ZNF71: variants seen among roughly 807,000 people sequenced by gnomAD.
ZNF71 encodes endothelial zinc finger protein induced by tumor necrosis factor alpha.
In ZNF71, 3 loss-of-function variants were observed where a neutral mutation model predicts 6.7. The observed-to-expected ratio is 0.45, with a 90% CI of 0.20 to 1.16. The LOEUF (loss-of-function observed/expected upper bound fraction) is 1.16. ZNF71 is among the 50% of genes most tolerant of loss of function. The pLI is 0.25. For synonymous variants in ZNF71, 343 were observed against 311.1 expected, an observed-to-expected ratio of 1.10 and a Z score of -1.08; for missense variants, 688 against 728.6, an observed-to-expected ratio of 0.94 and a Z score of 0.64.
intron 3 of ZNF71, among the ~76,000 whole-genome samples, chr19:56,617,107 C>CTTTTTTTTTTTT (rs200131241): frequency 5.1e-5 from 6 of 117,150 alleles, no homozygotes; most frequent in African/African-American, 1.6e-4. Context: ...CTTCCATTTT[C>CTTTTTTTTTTTT]TTTTGTTTTT....
Position 56,622,015 on chromosome 19 carries a change from CG to C in ZNF71, c.909del (p.Cys304AlafsTer42), listed in dbSNP as rs2044857540. The C allele has an allele frequency of 6.2e-7, 1 of 1,611,370 alleles. No homozygotes were observed. The highest frequency in any genetic ancestry group is 1.1e-5 in the South Asian group (1 of 90,856). Reference protein sequence around the residue: ...ERIHTGEKPYACGDCGKAFSQ... With the variant: ...ERIHTGEKPYXCGDCGKAFSQ... The stretch of plus-strand genomic sequence containing the variant: ...ATCCACACGGGGGAGAAGCCCTACG[CG>C]TGCGGGGACTGCGGCAAGGCCTTCA... On this transcript the variant is annotated frameshift_variant, in exon 4 of 4. Coordinates refer to ENST00000599599, the MANE Select transcript of ZNF71 (RefSeq NM_001370215.1). LOFTEE classifies it low-confidence loss of function (END_TRUNC).
intron 3 of ZNF71, among the ~76,000 whole-genome samples, chr19:56,619,062 G>A (rs964637723): frequency 6.6e-6 from 1 of 152,184 alleles, no homozygotes; most frequent in Non-Finnish European, 1.5e-5. Flanking sequence ...ATGCTTGCCA[G>A]CAGTCAGGAC....
At chr19:56,616,621 G>GT (rs2044793634) in intron 3 of ZNF71, among the ~76,000 whole-genome samples, 1 of 152,204 alleles carries the variant, frequency 6.6e-6, no homozygotes, top group Admixed American at 6.5e-5. Flanking sequence ...GTGTTGGGTA[G>GT]TTTCCTGACA....
chr19:56,617,945 T>G (rs1377678321), intron 3 of ZNF71, among the ~76,000 whole-genome samples: 1 of 151,716 alleles, frequency 6.6e-6, no homozygotes, highest in Non-Finnish European at 1.5e-5. Context: ...CCAGCTCATA[T>G]TCCAGAGCAT....
chr19:56,597,687 G>C (rs895822094), intron 1 of ZNF71, among the ~76,000 whole-genome samples: 5 of 152,074 alleles, frequency 3.3e-5, no homozygotes, highest in African/African-American at 1.2e-4. Flanking sequence ...CCCTCGATTT[G>C]ATTCCTTTAG....
At position 56,613,783 on chromosome 19, in the gene ZNF71, G is replaced by T. The variant is rs1483639074; in HGVS notation, c.34-29G>T. The T allele has an allele frequency of 3.1e-5, 34 of 1,082,120 alleles. No individual in the cohort carries two copies. Among genetic ancestry groups the T allele is most frequent in the Non-Finnish European group, 3.7e-5 (32 of 873,704 alleles). 67.0% of individuals were successfully genotyped at this position (1,082,120 alleles called of 1,614,324 possible). Reference sequence around the variant, plus strand: ...CACGCCTCTGTAAGGAGGGCCCTGCGATGAGCGGATGTGGGTTTCCTCTTA... The same window carrying T: ...CACGCCTCTGTAAGGAGGGCCCTGCTATGAGCGGATGTGGGTTTCCTCTTA... On this transcript the variant is annotated intron_variant, in intron 2 of 3. Transcript: ENST00000599599. The surrounding 1 kb of genome is among the most constrained non-coding windows in gnomAD (Gnocchi z 4.6).
Position 56,622,862 on chromosome 19 carries a change from CG to C in ZNF71, c.*109del. The C allele has an allele frequency of 1.4e-6, 2 of 1,435,108 alleles. No homozygotes were observed. 88.9% of individuals were successfully genotyped at this position (1,435,108 alleles called of 1,614,324 possible). Reference sequence around the variant, plus strand: ...GAAGTTCTCCCCTGGGGTGGGGACTCGGGGTCAGGGGAGCTCAGGAATGTGG... The same window carrying C: ...GAAGTTCTCCCCTGGGGTGGGGACTCGGGTCAGGGGAGCTCAGGAATGTGG... On this transcript the variant is annotated 3_prime_UTR_variant, in exon 4 of 4. Transcript: ENST00000599599.
intron 1 of ZNF71, among the ~76,000 whole-genome samples, chr19:56,595,803 G>A (rs940563110): frequency 2.0e-5 from 3 of 150,676 alleles, no homozygotes; most frequent in South Asian, 4.2e-4. Flanking sequence ...AGATTGTGTC[G>A]TCCTGAGGGT....
At chr19:56,612,056 C>T (rs912102028) in intron 2 of ZNF71, among the ~76,000 whole-genome samples, 3 of 152,130 alleles carry the variant, frequency 2.0e-5, no homozygotes, top group Non-Finnish European at 4.4e-5. Flanking sequence ...AATAGATTGG[C>T]GTGGATGTGG....
chr19:56,595,881 G>GTGTGTA (rs2044618206), intron 1 of ZNF71, among the ~76,000 whole-genome samples: 1 of 150,966 alleles, frequency 6.6e-6, no homozygotes, highest in African/African-American at 2.4e-5. Flanking sequence ...GTGTGTGTGT[G>GTGTGTA]TGTGTGTATG....
rs60371305 is a variant in ZNF71, at chr19:56,595,853, T to TTGTGTGTGTGTG, written c.-53+449_-53+460dup. 7.9e-3 allele frequency among the ~76,000 whole-genome samples: 1,087 copies of TTGTGTGTGTGTG among 137,568 alleles called. 5 individuals carry two copies. The highest frequency in any genetic ancestry group is 0.035 in the East Asian group (156 of 4,450). The allele number at this position is 137,568 out of a possible 152,430, so 90.2% of individuals were successfully genotyped here. The stretch of plus-strand genomic sequence containing the variant: ...GGATATTGTGATTGTGTGTGTGTGT[T>TTGTGTGTGTGTG]TGTGTGTGTGTGTGTGTGTGTGTGT... On this transcript the variant is annotated intron_variant, in intron 1 of 3. Transcript: ENST00000599599.
At chr19:56,619,176 G>GT in intron 3 of ZNF71, among the ~76,000 whole-genome samples, 1 of 152,162 alleles carries the variant, frequency 6.6e-6, no homozygotes, top group East Asian at 1.9e-4. Context: ...AACATAAAAT[G>GT]TACCATTTTA....
chr19:56,616,228 A>G (rs2044790156), intron 3 of ZNF71, among the ~76,000 whole-genome samples: 1 of 152,226 alleles, frequency 6.6e-6, no homozygotes, highest in Non-Finnish European at 1.5e-5. Flanking sequence ...TATTAATCCA[A>G]GTTTATTGGG....
intron 2 of ZNF71, among the ~76,000 whole-genome samples, chr19:56,612,364 C>A (rs61142826): frequency 0.055 from 8,299 of 152,114 alleles, 739 homozygotes; most frequent in African/African-American, 0.18. Context: ...GTGATACACA[C>A]ACATATAATA....
Position 56,603,944 on chromosome 19 carries a change from C to T in ZNF71, c.33+2353C>T, listed in dbSNP as rs1192025397. On this transcript the variant is annotated intron_variant, in intron 2 of 3. Transcript: ENST00000599599. The surrounding 1 kb of genome is among the most constrained non-coding windows in gnomAD (Gnocchi z 4.6). ...TAGAAAAAGGGGCCTTGGACACGTACGTGCAGAGAACTCAGAGGCCCTTTG... is the reference window on the plus strand; with the variant it reads ...TAGAAAAAGGGGCCTTGGACACGTATGTGCAGAGAACTCAGAGGCCCTTTG... Among the ~76,000 whole-genome samples, 3 of 152,150 alleles carry T rather than the reference C, an allele frequency of 2.0e-5. No individual in the cohort carries two copies. Among genetic ancestry groups the T allele is most frequent in the Non-Finnish European group, 4.4e-5 (3 of 68,030 alleles).
chr19:56,595,902 A>T (rs1196984093), intron 1 of ZNF71, among the ~76,000 whole-genome samples: 1 of 147,330 alleles, frequency 6.8e-6, no homozygotes, highest in East Asian at 2.1e-4. Flanking sequence ...AGACAGAGAG[A>T]GAAACTGCGT....
In ZNF71 at chr19:56,623,712, G is replaced by A. The variant is rs1467764977; in HGVS notation, c.*955G>A. 1 of 167,152 alleles carries A rather than the reference G, an allele frequency of 6.0e-6. No individual in the cohort carries two copies. Among genetic ancestry groups the A allele is most frequent in the Non-Finnish European group, 1.5e-5 (1 of 68,200 alleles). 10.4% of individuals were successfully genotyped at this position (167,152 alleles called of 1,614,324 possible). A position where few individuals can be genotyped will look rare whatever the true frequency, so the allele number is the denominator to read the frequency against. On this transcript the variant is annotated 3_prime_UTR_variant, in exon 4 of 4. Coordinates refer to ENST00000599599, the MANE Select transcript of ZNF71 (RefSeq NM_001370215.1). Reference sequence around the variant, plus strand: ...AAACAATAGAAATTTGTCACTCATGGTTCTGGATGCTGGGAAGTCCAAGAT... The same window carrying A: ...AAACAATAGAAATTTGTCACTCATGATTCTGGATGCTGGGAAGTCCAAGAT...
chr19:56,620,319 C>T (rs972123767), intron 3 of ZNF71, among the ~76,000 whole-genome samples: 13 of 152,166 alleles, frequency 8.5e-5, no homozygotes, highest in South Asian at 8.3e-4. Context: ...GAGAAATGCC[C>T]GATTTTTCTC....
At position 56,622,715 on chromosome 19, in the gene ZNF71, C is replaced by T; in HGVS notation, c.1608C>T (p.Ser536=). The T allele has an allele frequency of 6.2e-7, 1 of 1,611,808 alleles. No individual in the cohort carries two copies. The highest frequency in any genetic ancestry group is 8.5e-7 in the Non-Finnish European group (1 of 1,178,522). ...GCGGCGAGTGCGGGAAGACCTTCAG[C>T]CGCAACACGAACCTGACGCGCCACC... ...YRCGECGKTF[S]RNTNLTRHLR... The change falls in exon 4 of 4, where the codon AGC becomes AGT. Residue 536 remains serine, a synonymous_variant. Coordinates refer to ENST00000599599, the MANE Select transcript of ZNF71 (RefSeq NM_001370215.1).
Sources: gnomAD v4.1 joint callset for allele counts (sites outside exome capture counted in the v4.1 genomes callset) on GRCh38, gnomAD v4.1.1 for gene constraint, Gnocchi (gnomAD v3.1) non-coding constraint, MANE v1.5 for transcripts, NCBI Gene and HGNC (gene_info 2026-07-23, HGNC 2026-07-21) for gene names.